The following ZIM2 variants were observed in gnomAD, a reference collection of about 807,000 sequenced individuals.
ZIM2 encodes zinc finger protein 656.
In ZIM2, 14 loss-of-function variants were observed where a neutral mutation model predicts 38.6. The ratio of observed to expected loss-of-function variants is 0.36; its 90% CI spans 0.24 to 0.57. ZIM2 has a LOEUF of 0.57. Ranked by LOEUF, ZIM2 falls within the 20% of genes least tolerant of loss-of-function variation. The pLI is 0.81. For synonymous variants in ZIM2, 247 were observed against 245.8 expected (o/e 1.00, Z -0.04); for missense variants, 680 against 695.1 (o/e 0.98, Z 0.24).
At chr19:56,837,201 T>C (rs1298861551) in intron 1 of ZIM2, among the ~76,000 whole-genome samples, 3 of 152,016 alleles carry the variant, frequency 2.0e-5, no homozygotes, top group African/African-American at 7.3e-5. Flanking sequence ...CTAGCGGCTC[T>C]GCTCATGAAC....
intron 2 of ZIM2, among the ~76,000 whole-genome samples, chr19:56,831,208 T>C (rs1011021904): frequency 2.6e-5 from 4 of 152,182 alleles, no homozygotes; most frequent in African/African-American, 9.7e-5. Context: ...AATATAAGGA[T>C]ATAAGCACTA....
At chr19:56,821,317 G>A (rs2060464596) in intron 7 of ZIM2, among the ~76,000 whole-genome samples, 2 of 152,198 alleles carry the variant, frequency 1.3e-5, no homozygotes, top group South Asian at 4.1e-4. Flanking sequence ...CAGACCCACA[G>A]CTTTCCTGGC....
Position 56,823,636 on chromosome 19 carries a change from C to A in ZIM2, c.60G>T (p.Arg20=). The A allele has an allele frequency of 6.2e-7, 1 of 1,614,142 alleles. No homozygotes were observed. The highest frequency in any genetic ancestry group is 1.3e-5 in the African/African-American group (1 of 75,022). The change falls in exon 5 of 13, where the codon CGG becomes CGT. Residue 20 remains arginine (R), a synonymous_variant. Transcript: ENST00000629319. ...GAGGTGGTGAGGACTCTCTTCTGTT[C>A]CGGGTCATGTCGTCGTCGCTGGTCA... ...SDVTSDDDMT[R]NRRESSPPHS...
chr19:56,780,603 T>TCA (rs767093988), intron 11 of ZIM2, among the ~76,000 whole-genome samples: 74 of 151,458 alleles, frequency 4.9e-4, no homozygotes, highest in Admixed American at 1.3e-3. Flanking sequence ...CCAATGTCAC[T>TCA]CACACACACA....
At chr19:56,815,756 T>C (rs1600922462) in intron 9 of ZIM2, 3 of 1,613,750 alleles carry the variant, frequency 1.9e-6, no homozygotes, top group Non-Finnish European at 2.5e-6. Flanking sequence ...ACACTCTGTA[T>C]GACAGAGTCT....
rs2046204884 is a variant in ZIM2 at position 56,779,412 on chromosome 19, A to G, written c.800T>C (p.Met267Thr). The G allele has an allele frequency of 6.2e-7, 1 of 1,613,896 alleles. No individual in the cohort carries two copies. ...CACTGTATGTCTGCTGTCTGTCTCC[A>G]TTGCATATGATTCCTCCTCTTCCAG... ...SRLEEEESYA[M>T]ETDSRHTVIC... is the part of the protein sequence containing the mutation. The change falls in exon 12 of 13, where the codon ATG becomes ACG. Residue 267 changes from methionine to threonine, a missense_variant. Transcript: ENST00000629319.
At chr19:56,779,259 C>G in intron 12 of ZIM2, 118 bp downstream of exon 12, 1 of 909,748 alleles carries the variant, frequency 1.1e-6, no homozygotes, top group Non-Finnish European at 1.7e-6. Context: ...AAGGGGAGTA[C>G]TGAGGAGAAA....
rs755432603 is a variant in ZIM2, at chr19:56,775,046, T to G, written c.1319A>C (p.Glu440Ala). ...LCERVRIHSQ[E>A]DYFECFQCGK... ...GCACTGAAAACATTCAAAGTAGTCC[T>G]CCTGACTGTGAATTCTTACACGTTC... Residue 440 changes from glutamate to alanine, a missense_variant, in exon 13 of 13, where the codon GAG becomes GCG. Physicochemically the swap from Glu to Ala is moderately radical, Grantham distance 107. Coordinates refer to ENST00000629319, the MANE Select transcript of ZIM2 (RefSeq NM_001387356.1). 8.7e-6 allele frequency: 14 copies of G among 1,614,184 alleles called. No homozygotes were observed. In the South Asian group the frequency reaches 1.4e-4, roughly 16 times the overall value.
intron 2 of ZIM2, chr19:56,833,255 C>T: frequency 2.1e-6 from 1 of 473,332 alleles, no homozygotes; most frequent in South Asian, 1.5e-5. Flanking sequence ...CACCATGGTG[C>T]ACCTAGATTC....
chr19:56,824,529 C>T (rs766247501), intron 3 of ZIM2, 102 bp from the exon 4 acceptor site: 2 of 1,614,042 alleles, frequency 1.2e-6, no homozygotes, highest in East Asian at 2.2e-5. Context: ...TGAAAAAACT[C>T]AGAGTCAGTT....
chr19:56,827,549 C>T (rs2061165164), intron 2 of ZIM2, among the ~76,000 whole-genome samples: 1 of 152,110 alleles, frequency 6.6e-6, no homozygotes, highest in Non-Finnish European at 1.5e-5. Flanking sequence ...CGGGAAGAAA[C>T]AAGTACACTC....
intron 9 of ZIM2, among the ~76,000 whole-genome samples, chr19:56,805,360 C>T (rs1193836663): frequency 3.3e-5 from 5 of 152,152 alleles, no homozygotes; most frequent in South Asian, 2.1e-4. Flanking sequence ...GGGCCAGGCA[C>T]GCAACTCAGG....
rs373063652 is a variant in ZIM2 at position 56,779,476 on chromosome 19, T to C, written c.740-4A>G. On this transcript the variant is annotated splice_region_variant and splice_polypyrimidine_tract_variant and intron_variant, in intron 11 of 12. Coordinates refer to ENST00000629319, the MANE Select transcript of ZIM2 (RefSeq NM_001387356.1). ...TCAGGTTTAGAGAACTGGTGCCCTG[T>C]TGGAGAGGAAGACTGAGAACTCAGG... 7 of 1,613,548 alleles carry C rather than the reference T, an allele frequency of 4.3e-6. No homozygotes were observed. The highest frequency in any genetic ancestry group is 5.9e-6 in the Non-Finnish European group (7 of 1,179,796).
chr19:56,786,399 G>A (rs537619707), intron 10 of ZIM2, among the ~76,000 whole-genome samples: 52 of 152,148 alleles, frequency 3.4e-4, no homozygotes, highest in African/African-American at 1.1e-3. Context: ...GCCTGACACC[G>A]GTAGACGTTG....
chr19:56,786,371 T>A (rs1773737450), intron 10 of ZIM2, among the ~76,000 whole-genome samples: 1 of 152,148 alleles, frequency 6.6e-6, no homozygotes, highest in African/African-American at 2.4e-5. Flanking sequence ...CTAAGAACAC[T>A]TTTTTCCCTC....
intron 9 of ZIM2, among the ~76,000 whole-genome samples, chr19:56,808,395 G>A (rs1014002456): frequency 1.3e-5 from 2 of 152,154 alleles, no homozygotes; most frequent in African/African-American, 4.8e-5. Flanking sequence ...TAAGTGGTAC[G>A]AGGCATGCAG....
chr19:56,779,261 G>T, intron 12 of ZIM2, 116 bp downstream of exon 12: 1 of 934,614 alleles, frequency 1.1e-6, no homozygotes, highest in Non-Finnish European at 1.7e-6. Context: ...GGGGAGTACT[G>T]AGGAGAAAGG....
chr19:56,779,294 C>T, intron 12 of ZIM2, 83 bp downstream of exon 12: 3 of 1,441,866 alleles, frequency 2.1e-6, no homozygotes, highest in East Asian at 2.3e-5. Context: ...CTTCTCCTGG[C>T]CCAGGGGACT....
At chr19:56,822,883 CCT>C in intron 5 of ZIM2, 47 bp from the exon 6 acceptor site, 1 of 1,585,374 alleles carries the variant, frequency 6.3e-7, no homozygotes. Flanking sequence ...CTTTGACACA[CCT>C]GTTTTCCCTG....
Sources: gnomAD v4.1 joint callset for allele counts (sites outside exome capture counted in the v4.1 genomes callset) on GRCh38, gnomAD v4.1.1 for gene constraint, MANE v1.5 for transcripts, NCBI Gene and HGNC (gene_info 2026-07-23, HGNC 2026-07-21) for gene names.